The following SLC36A1 variants were observed in gnomAD, a reference collection of about 807,000 sequenced individuals.
SLC36A1 encodes proton-coupled amino acid transporter 1.
A neutral mutation model predicts 47.5 loss-of-function variants in SLC36A1; 30 were observed. The ratio of observed to expected loss-of-function variants is 0.63; its 90% CI spans 0.47 to 0.86. SLC36A1 has a LOEUF of 0.86. SLC36A1 is among the 40% of genes least tolerant of loss of function. SLC36A1 has a pLI of 0.00. For synonymous variants in SLC36A1, 255 were observed against 249.7 expected (o/e 1.02, Z -0.20); for missense variants, 517 against 606.0 (o/e 0.85, Z 1.54).
At chr5:151,533,614 C>A in the SLC36A1 span, among the ~76,000 whole-genome samples, 1 of 152,098 alleles carries the variant, frequency 6.6e-6, no homozygotes, top group Non-Finnish European at 1.5e-5. Flanking sequence ...CCACTTTTAT[C>A]ATCATCATTT....
At chr5:151,505,094 G>A in the SLC36A1 span, 42 of 191,276 alleles carry the variant, frequency 2.2e-4, no homozygotes, top group East Asian at 6.1e-3. Context: ...AGGATGCCAC[G>A]CAGCCCTCTA....
At chr5:151,348,836 G>C in the SLC36A1 span, among the ~76,000 whole-genome samples, 1 of 152,052 alleles carries the variant, frequency 6.6e-6, no homozygotes, top group East Asian at 1.9e-4. Flanking sequence ...GGTTTTTTTT[G>C]GTTGTTGTTG....
the SLC36A1 span, among the ~76,000 whole-genome samples, chr5:151,526,264 G>T: frequency 6.6e-6 from 1 of 152,158 alleles, no homozygotes; most frequent in Non-Finnish European, 1.5e-5. Flanking sequence ...GAGATGACTT[G>T]CTCAAGATCA....
At chr5:151,469,294 T>C in intron 7 of SLC36A1, 1 of 689,284 alleles carries the variant, frequency 1.5e-6, no homozygotes, top group Non-Finnish European at 2.6e-6. Context: ...AGAAATACAT[T>C]GAAATATATT....
chr5:151,555,371 T>C, the SLC36A1 span, among the ~76,000 whole-genome samples: 7 of 144,142 alleles, frequency 4.9e-5, no homozygotes, highest in Admixed American at 1.4e-4. Context: ...ATATTTCTTT[T>C]TTTTTTTTTT....
At chr5:151,445,004 G>T (rs562962576), upstream of SLC36A1, among the ~76,000 whole-genome samples, 1 of 152,000 alleles carries the variant, frequency 6.6e-6, no homozygotes, top group Non-Finnish European at 1.5e-5. Flanking sequence ...AGTGGTGAGG[G>T]TGGGTATCCT....
chr5:151,403,322 C>T, the SLC36A1 span, among the ~76,000 whole-genome samples: 1 of 152,174 alleles, frequency 6.6e-6, no homozygotes, highest in Non-Finnish European at 1.5e-5. Context: ...GTCATCCCCC[C>T]AGTGTTGAAT....
chr5:151,461,886 G>A (rs1405111516), intron 2 of SLC36A1, among the ~76,000 whole-genome samples: 4 of 151,808 alleles, frequency 2.6e-5, no homozygotes. Context: ...GTACTTCTAT[G>A]AGTACCAAAA....
At chr5:151,538,065 A>G in the SLC36A1 span, 2 of 743,502 alleles carry the variant, frequency 2.7e-6, no homozygotes, top group Non-Finnish European at 4.2e-6. Context: ...GAGGGCAGAG[A>G]CGAAGAGAGA....
chr5:151,370,574 A>G, the SLC36A1 span, among the ~76,000 whole-genome samples: 2 of 152,250 alleles, frequency 1.3e-5, no homozygotes, highest in East Asian at 3.8e-4. Context: ...TCTTTGCAGC[A>G]TTGTTTGTAA....
the SLC36A1 span, among the ~76,000 whole-genome samples, chr5:151,416,598 TAAA>T: frequency 6.6e-6 from 1 of 151,078 alleles, no homozygotes; most frequent in Non-Finnish European, 1.5e-5. Context: ...AACTAAAGAC[TAAA>T]AAAAAAGAAG....
At chr5:151,443,237 C>A (rs1416591842), upstream of SLC36A1, among the ~76,000 whole-genome samples, 3 of 151,912 alleles carry the variant, frequency 2.0e-5, no homozygotes, top group Non-Finnish European at 1.5e-5. Context: ...AAAAAAGAAA[C>A]TTTTACACTG....
intron 10 of SLC36A1, among the ~76,000 whole-genome samples, chr5:151,482,750 G>A (rs974894739): frequency 7.2e-5 from 11 of 152,108 alleles, no homozygotes; most frequent in African/African-American, 2.2e-4. Context: ...CCTTGTTTTC[G>A]TATTTTTTAA....
the SLC36A1 span, among the ~76,000 whole-genome samples, chr5:151,499,441 C>T: frequency 4.6e-5 from 7 of 152,200 alleles, no homozygotes; most frequent in East Asian, 3.8e-4. Context: ...GGACCAGCTG[C>T]GAGCCCTGGG....
At chr5:151,518,982 A>G in the SLC36A1 span, among the ~76,000 whole-genome samples, 6 of 152,202 alleles carry the variant, frequency 3.9e-5, no homozygotes, top group Non-Finnish European at 5.9e-5. Context: ...ATTGTTGAAG[A>G]GAGAGAACAA....
the SLC36A1 span, among the ~76,000 whole-genome samples, chr5:151,367,010 A>T: frequency 6.6e-6 from 1 of 152,192 alleles, no homozygotes; most frequent in African/African-American, 2.4e-5. Flanking sequence ...AGAACCACTA[A>T]TAAGGGTCTA....
the SLC36A1 span, among the ~76,000 whole-genome samples, chr5:151,541,841 A>G: frequency 2.2e-4 from 33 of 152,344 alleles, no homozygotes; most frequent in African/African-American, 7.9e-4. Context: ...TCATTCTTAC[A>G]CTTAGGACCT....
chr5:151,533,359 A>G, the SLC36A1 span, among the ~76,000 whole-genome samples: 1 of 150,250 alleles, frequency 6.7e-6, no homozygotes, highest in Non-Finnish European at 1.5e-5. Flanking sequence ...TCTGTATCTC[A>G]AGCAAGTCTA....
At chr5:151,492,906 A>G (rs1268132422), downstream of SLC36A1, among the ~76,000 whole-genome samples, 2 of 152,184 alleles carry the variant, frequency 1.3e-5, no homozygotes, top group East Asian at 3.8e-4. Context: ...GCTCCTGCCT[A>G]CAGGCCTGCC....
Sources: gnomAD v4.1 joint callset for allele counts (sites outside exome capture counted in the v4.1 genomes callset) on GRCh38, gnomAD v4.1.1 for gene constraint, MANE v1.5 for transcripts, NCBI Gene and HGNC (gene_info 2026-07-23, HGNC 2026-07-21) for gene names.